The following FGF12 variants were observed in gnomAD, a reference collection of about 807,000 sequenced individuals.
FGF12 encodes the protein fibroblast growth factor 12.
Under a neutral mutation model 23.6 loss-of-function variants are expected in FGF12, and 14 were observed. The ratio of observed to expected loss-of-function variants is 0.59; its 90% CI spans 0.39 to 0.93. The LOEUF (loss-of-function observed/expected upper bound fraction) is 0.93. Among genes scored for constraint, FGF12 ranks in the 40% least tolerant of loss-of-function variants. FGF12 has a pLI of 0.00. For synonymous variants in FGF12, 62 were observed against 77.3 expected (o/e 0.80, Z 1.04); for missense variants, 175 against 217.8 (o/e 0.80, Z 1.24).
chr3:192,402,001 T>A (rs747291363), intron 2 of FGF12, among the ~76,000 whole-genome samples: 1 of 152,222 alleles, frequency 6.6e-6, no homozygotes, highest in African/African-American at 2.4e-5. Context: ...CAAACTGAGG[T>A]GCAAAGATAT....
At chr3:192,209,991 C>T (rs1220705131) in intron 4 of FGF12, among the ~76,000 whole-genome samples, 1 of 152,216 alleles carries the variant, frequency 6.6e-6, no homozygotes, top group African/African-American at 2.4e-5. Flanking sequence ...TAGTTTTTCA[C>T]TGGGCTTCTG....
At chr3:192,215,242 A>C (rs984265237) in intron 4 of FGF12, among the ~76,000 whole-genome samples, 2 of 151,754 alleles carry the variant, frequency 1.3e-5, no homozygotes, top group Non-Finnish European at 2.9e-5. Context: ...TTCTCAAATA[A>C]CCCCCACCTG....
chr3:192,428,961 C>T (rs1244281586), intron 2 of FGF12, among the ~76,000 whole-genome samples: 1 of 151,982 alleles, frequency 6.6e-6, no homozygotes, highest in Non-Finnish European at 1.5e-5. Context: ...ATTCATCCTT[C>T]TTAAAGACCC....
intron 4 of FGF12, among the ~76,000 whole-genome samples, chr3:192,296,150 C>T (rs935969205): frequency 6.9e-5 from 10 of 145,632 alleles, no homozygotes; most frequent in African/African-American, 2.5e-4. Context: ...AACCAATCTA[C>T]CTGACTCGGC....
At chr3:192,357,378 A>G (rs1476114618) in intron 3 of FGF12, among the ~76,000 whole-genome samples, 1 of 151,982 alleles carries the variant, frequency 6.6e-6, no homozygotes, top group Non-Finnish European at 1.5e-5. Context: ...GCAACTTGGG[A>G]GGCTGAGGCA....
chr3:192,408,289 C>G lies in FGF12; in HGVS notation c.14-47751G>C. The G allele has an allele frequency of 6.7e-7, 1 of 1,486,030 alleles. No individual in the cohort carries two copies. The highest frequency in any genetic ancestry group is 1.3e-5 in the South Asian group (1 of 75,250). 92.1% of individuals were successfully genotyped at this position (1,486,030 alleles called of 1,614,324 possible). On this transcript the variant is annotated intron_variant, in intron 2 of 5. Coordinates refer to ENST00000445105, the MANE Select transcript of FGF12 (RefSeq NM_004113.6). The surrounding 1 kb of genome is among the most constrained non-coding windows in gnomAD (Gnocchi z 7.3). Reference sequence around the variant, plus strand: ...CCCTCCGGCTTGCGCTCCGCCGGGGCGAGGGCAGGACCTGGGCGGCCAGGG... The same window carrying G: ...CCCTCCGGCTTGCGCTCCGCCGGGGGGAGGGCAGGACCTGGGCGGCCAGGG...
At position 192,360,540 on chromosome 3, in the gene FGF12, T is replaced by C; in HGVS notation, c.14-2A>G. ...TCACAATCCCTTTGAGCTGGGGTTC[T>C]GCAAAACAAAATAATTATTCAAATT... On this transcript the variant is annotated splice_acceptor_variant, in intron 2 of 5. Transcript: ENST00000445105. LOFTEE classifies it high-confidence loss of function. This position sits in a 1 kb window ranked among gnomAD's most constrained non-coding sequence, Gnocchi z 4.3. 6.2e-7 allele frequency: 1 copy of C among 1,607,690 alleles called. No individual in the cohort carries two copies. The highest frequency in any genetic ancestry group is 8.5e-7 in the Non-Finnish European group (1 of 1,174,204).
chr3:192,637,782 TAA>T (rs1368546588), intron 2 of FGF12, among the ~76,000 whole-genome samples: 1 of 152,348 alleles, frequency 6.6e-6, no homozygotes, highest in East Asian at 1.9e-4. Flanking sequence ...CTTGGGCATA[TAA>T]GTCTTTAATA....
intron 2 of FGF12, among the ~76,000 whole-genome samples, chr3:192,719,485 A>T (rs1307541241): frequency 6.6e-6 from 1 of 152,206 alleles, no homozygotes; most frequent in African/African-American, 2.4e-5. Context: ...ATGTTAAGTT[A>T]TTTGTAGGCT....
intron 2 of FGF12, among the ~76,000 whole-genome samples, chr3:192,597,596 T>C (rs532294695): frequency 6.6e-6 from 1 of 152,294 alleles, no homozygotes; most frequent in South Asian, 2.1e-4. Flanking sequence ...AAAGGAAATA[T>C]ACATAATTAT....
intron 2 of FGF12, among the ~76,000 whole-genome samples, chr3:192,653,868 C>T (rs1159748111): frequency 6.6e-6 from 1 of 152,092 alleles, no homozygotes; most frequent in Non-Finnish European, 1.5e-5. Context: ...GTGCAAGCCA[C>T]CATGCATGGC....
rs559468255 is a variant in FGF12 at position 192,345,003 on chromosome 3, A to G, written c.125-9539T>C. 4.6e-5 allele frequency among the ~76,000 whole-genome samples: 7 copies of G among 152,316 alleles called. No individual in the cohort carries two copies. In the East Asian group the frequency reaches 1.4e-3, roughly 29 times the overall value. On this transcript the variant is annotated intron_variant, in intron 3 of 5. Coordinates refer to ENST00000445105, the MANE Select transcript of FGF12 (RefSeq NM_004113.6). ...GCACAGGTGACGGTCCATAAGATCA[A>G]TGGGCAGAAACATCTTCCAAGAAAT...
At position 192,230,047 on chromosome 3, in the gene FGF12, C is replaced by A. The variant is rs116212093; in HGVS notation, c.229-59391G>T. On this transcript the variant is annotated intron_variant, in intron 4 of 5. Coordinates refer to ENST00000445105, the MANE Select transcript of FGF12 (RefSeq NM_004113.6). ...CTTTCTACTTAAGCTGTGGTCACAG[C>A]GCAATGGCATCAACATTCCTAGGAA... Among the ~76,000 whole-genome samples the A allele has an allele frequency of 3.6e-3, 541 of 152,184 alleles. 2 individuals carry two copies. Among genetic ancestry groups the A allele is most frequent in the African/African-American group, 0.012 (513 of 41,544 alleles).
At chr3:192,613,791 G>A (rs1018099966) in intron 2 of FGF12, among the ~76,000 whole-genome samples, 1 of 151,846 alleles carries the variant, frequency 6.6e-6, no homozygotes, top group African/African-American at 2.4e-5. Context: ...TCTTTGATTA[G>A]TAAAATTCCA....
At chr3:192,254,508 A>C (rs1712252916) in intron 4 of FGF12, among the ~76,000 whole-genome samples, 2 of 152,050 alleles carry the variant, frequency 1.3e-5, no homozygotes, top group South Asian at 4.1e-4. Flanking sequence ...CAATATTGAC[A>C]CACAACATAG....
chr3:192,400,892 T>C (rs1411236913), intron 2 of FGF12, among the ~76,000 whole-genome samples: 1 of 152,198 alleles, frequency 6.6e-6, no homozygotes, highest in Admixed American at 6.5e-5. Context: ...TCCATGGCCA[T>C]CAACTTCATT....
At chr3:192,631,716 G>A (rs147236958) in intron 2 of FGF12, among the ~76,000 whole-genome samples, 1 of 152,292 alleles carries the variant, frequency 6.6e-6, no homozygotes, top group Non-Finnish European at 1.5e-5. Context: ...AGTTATCATT[G>A]TATTTCTGCA....
At chr3:192,494,923 C>T (rs956729632) in intron 2 of FGF12, among the ~76,000 whole-genome samples, 2 of 152,084 alleles carry the variant, frequency 1.3e-5, no homozygotes, top group African/African-American at 2.4e-5. Context: ...TGCAGTGGCA[C>T]GATCTCAGCT....
intron 4 of FGF12, among the ~76,000 whole-genome samples, chr3:192,200,177 T>A (rs927150251): frequency 1.3e-4 from 18 of 141,248 alleles, no homozygotes; most frequent in Non-Finnish European, 1.8e-4. Flanking sequence ...AAAAAAAAAA[T>A]AATTAGCCGG....
Sources: gnomAD v4.1 joint callset for allele counts (sites outside exome capture counted in the v4.1 genomes callset) on GRCh38, gnomAD v4.1.1 for gene constraint, Gnocchi (gnomAD v3.1) non-coding constraint, MANE v1.5 for transcripts, NCBI Gene and HGNC (gene_info 2026-07-23, HGNC 2026-07-21) for gene names.